Variants in RANBP2 observed in about 807,000 individuals in gnomAD.
The protein encoded by RANBP2 is RAN binding protein 2, also known as E3 SUMO-protein ligase RanBP2.
Under a neutral mutation model 303.6 loss-of-function variants are expected in RANBP2, and 57 were observed. That is an observed-to-expected ratio of 0.19 (90% CI 0.15 to 0.23). The LOEUF (loss-of-function observed/expected upper bound fraction) is 0.23. Among genes scored for constraint, RANBP2 ranks in the 10% least tolerant of loss-of-function variants. RANBP2 has a pLI of 1.00. For synonymous variants in RANBP2, 1,167 were observed against 1,301.5 expected, an observed-to-expected ratio of 0.90 and a Z score of 2.23; for missense variants, 3,138 against 3,780.8, an observed-to-expected ratio of 0.83 and a Z score of 4.46.
chr2:108,877,352 G>C, the RANBP2 span, among the ~76,000 whole-genome samples: 20 of 151,974 alleles, frequency 1.3e-4, no homozygotes, highest in Non-Finnish European at 2.2e-4. Flanking sequence ...TGTGATCCTA[G>C]CTACTCGGGA....
the RANBP2 span, among the ~76,000 whole-genome samples, chr2:109,491,803 C>T: frequency 6.6e-6 from 1 of 152,196 alleles, no homozygotes; most frequent in Non-Finnish European, 1.5e-5. Context: ...AACAACCTCC[C>T]AAAAAGACAG....
chr2:109,242,340 T>A, the RANBP2 span, among the ~76,000 whole-genome samples: 1 of 152,058 alleles, frequency 6.6e-6, no homozygotes, highest in African/African-American at 2.4e-5. Flanking sequence ...CCCAGCTGAG[T>A]CTGCTGGCTG....
At chr2:108,995,168 A>AT in the RANBP2 span, among the ~76,000 whole-genome samples, 18 of 151,670 alleles carry the variant, frequency 1.2e-4, no homozygotes, top group Admixed American at 2.6e-4. Context: ...TAATCAATGG[A>AT]TTTTTTTCTA....
the RANBP2 span, among the ~76,000 whole-genome samples, chr2:108,990,371 C>A: frequency 7.0e-6 from 1 of 142,066 alleles, no homozygotes; most frequent in African/African-American, 2.7e-5. Context: ...GCGGAGCTTG[C>A]AGTGAGCCGA....
At chr2:109,568,016 T>C in the RANBP2 span, 1 of 1,471,892 alleles carries the variant, frequency 6.8e-7, no homozygotes. Context: ...ACTGAGGATT[T>C]TTTTTTTTAA....
chr2:109,336,727 AT>A, the RANBP2 span, among the ~76,000 whole-genome samples: 1 of 152,380 alleles, frequency 6.6e-6, no homozygotes, highest in East Asian at 1.9e-4. Flanking sequence ...GCAACATCCA[AT>A]TTTGTGGAGA....
At chr2:109,625,874 T>C in the RANBP2 span, among the ~76,000 whole-genome samples, 1 of 152,116 alleles carries the variant, frequency 6.6e-6, no homozygotes, top group Non-Finnish European at 1.5e-5. Flanking sequence ...GTATTGACCA[T>C]AAAGACCAAA....
At chr2:109,288,029 TGC>T in the RANBP2 span, among the ~76,000 whole-genome samples, 51,469 of 152,082 alleles carry the variant, frequency 0.34, 8,886 homozygotes, top group South Asian at 0.41. Context: ...TTTGGCTGAC[TGC>T]CACCAGCAGG....
the RANBP2 span, among the ~76,000 whole-genome samples, chr2:109,232,102 TGTAA>T: frequency 6.6e-6 from 1 of 152,256 alleles, no homozygotes; most frequent in Non-Finnish European, 1.5e-5. Context: ...AGTATTTATG[TGTAA>T]GTGTCTGTTT....
the RANBP2 span, among the ~76,000 whole-genome samples, chr2:109,690,667 ACAGC>A: frequency 6.6e-6 from 1 of 152,058 alleles, no homozygotes; most frequent in African/African-American, 2.4e-5. Flanking sequence ...TTAAGGCAGC[ACAGC>A]CAGTGAGGGA....
At chr2:109,502,353 GACT>G in the RANBP2 span, 1 of 152,176 alleles carries the variant, frequency 6.6e-6, no homozygotes, top group South Asian at 2.1e-4. Flanking sequence ...AAAGCTGTTA[GACT>G]TTATATATTT....
chr2:109,656,289 T>G, the RANBP2 span, among the ~76,000 whole-genome samples: 6 of 152,316 alleles, frequency 3.9e-5, no homozygotes, highest in East Asian at 1.2e-3. Flanking sequence ...TGGAACCACA[T>G]TCTGTCTTTC....
the RANBP2 span, among the ~76,000 whole-genome samples, chr2:109,586,436 T>C: frequency 1.3e-5 from 2 of 152,240 alleles, no homozygotes; most frequent in African/African-American, 2.4e-5. Flanking sequence ...CTAGTCATTA[T>C]GGCAAAAGGA....
chr2:109,594,392 CAG>C, the RANBP2 span, among the ~76,000 whole-genome samples: 3 of 152,172 alleles, frequency 2.0e-5, no homozygotes, highest in Non-Finnish European at 4.4e-5. Context: ...CGCATCCTTC[CAG>C]AGAGAGGCTG....
chr2:108,995,778 C>A, the RANBP2 span, among the ~76,000 whole-genome samples: 8 of 152,192 alleles, frequency 5.3e-5, no homozygotes, highest in African/African-American at 1.4e-4. Flanking sequence ...CCTTTCCATG[C>A]GTCCCCTTTG....
At chr2:109,426,965 T>A in the RANBP2 span, among the ~76,000 whole-genome samples, 235 of 101,448 alleles carry the variant, frequency 2.3e-3, no homozygotes, top group African/African-American at 0.011. Context: ...GGCAATAAAA[T>A]ATATATATAT....
At chr2:109,496,501 A>C in the RANBP2 span, among the ~76,000 whole-genome samples, 4 of 152,252 alleles carry the variant, frequency 2.6e-5, no homozygotes, top group African/African-American at 7.2e-5. Flanking sequence ...TAATAGTAAC[A>C]TATGCTGTGA....
At chr2:108,897,345 T>C in the RANBP2 span, 1 of 1,045,854 alleles carries the variant, frequency 9.6e-7, no homozygotes. Flanking sequence ...TTTAAAATTA[T>C]AAAACATGCA....
chr2:109,554,341 G>A, the RANBP2 span, among the ~76,000 whole-genome samples: 3 of 152,132 alleles, frequency 2.0e-5, no homozygotes, highest in Admixed American at 6.5e-5. Flanking sequence ...CTACATTTGT[G>A]TATCGTATAC....
Sources: gnomAD v4.1 joint callset for allele counts (sites outside exome capture counted in the v4.1 genomes callset) on GRCh38, gnomAD v4.1.1 for gene constraint, MANE v1.5 for transcripts, NCBI Gene and HGNC (gene_info 2026-07-23, HGNC 2026-07-21) for gene names.